The following PHKA1 variants were observed in gnomAD, a reference collection of about 807,000 sequenced individuals.
The protein encoded by PHKA1 is phosphorylase b kinase regulatory subunit alpha, skeletal muscle isoform.
Under a neutral mutation model 110.2 loss-of-function variants are expected in PHKA1, and 60 were observed. The observed-to-expected ratio is 0.54, with a 90% CI of 0.44 to 0.68. The LOEUF (loss-of-function observed/expected upper bound fraction) is 0.68. PHKA1 is among the 30% of genes least tolerant of loss of function. The pLI is 0.00. For synonymous variants in PHKA1, 316 were observed against 333.6 expected (o/e 0.95, Z 0.58); for missense variants, 801 against 942.5 (o/e 0.85, Z 1.97).
At chrX:72,582,155 G>C (rs782599909) in intron 31 of PHKA1, among the ~76,000 whole-genome samples, 28 of 111,315 alleles carry the variant, frequency 2.5e-4, no homozygotes, top group Non-Finnish European at 3.0e-4. Context: ...AAAGCATAAA[G>C]CCTCCTGAGT....
At chrX:72,605,425 A>C in intron 24 of PHKA1, 25 bp from the exon 25 acceptor site, 1 of 1,203,534 alleles carries the variant, frequency 8.3e-7, no homozygotes, top group South Asian at 1.8e-5. Context: ...GATATAGACA[A>C]AAATAATGGC....
At chrX:72,684,744 C>T (rs1407965287) in intron 4 of PHKA1, among the ~76,000 whole-genome samples, 164 bp from the exon 5 acceptor site, 1 of 111,673 alleles carries the variant, frequency 9.0e-6, no homozygotes, top group African/African-American at 3.3e-5. Context: ...AGACCACAAA[C>T]AAGTCCTAGG....
intron 8 of PHKA1, among the ~76,000 whole-genome samples, chrX:72,661,544 C>T (rs1334866929): frequency 2.7e-5 from 3 of 110,094 alleles, no homozygotes; most frequent in Non-Finnish European, 3.8e-5. Flanking sequence ...CCTAGATGCA[C>T]GCTTCTAATT....
intron 18 of PHKA1, chrX:72,622,116 C>T (rs1382549172): frequency 1.3e-6 from 1 of 751,630 alleles, no homozygotes; most frequent in Non-Finnish European, 1.6e-6. Context: ...ATTTAATGTA[C>T]TTTTCCAACA....
At position 72,620,733 on chromosome X, in the gene PHKA1, T is replaced by A; in HGVS notation, c.2129A>T (p.His710Leu). The change falls in exon 19 of 32, where the codon CAT (histidine) becomes CTT (leucine). Residue 710 changes from histidine (H) to leucine (L), a missense_variant. Transcript: ENST00000373542. ...MSLVTKAKEL[H>L]VQNVHMYLPT... ...GTCACGGCATTACTCACTCTGTACA[T>A]GCAGTTCCTTGGCCTTGGTCACCAA... The A allele has an allele frequency of 8.3e-7, 1 of 1,207,796 alleles. No homozygotes were observed. Among genetic ancestry groups the A allele is most frequent in the Non-Finnish European group, 1.1e-6 (1 of 893,060 alleles).
At chrX:72,670,298 G>A (rs1435695384) in intron 6 of PHKA1, among the ~76,000 whole-genome samples, 1 of 111,400 alleles carries the variant, frequency 9.0e-6, no homozygotes, top group Non-Finnish European at 1.9e-5. Context: ...TGAGTAGGTT[G>A]CAAAAATTTT....
chrX:72,606,623 G>T (rs1161501347), intron 23 of PHKA1, among the ~76,000 whole-genome samples: 1 of 110,707 alleles, frequency 9.0e-6, no homozygotes, highest in African/African-American at 3.3e-5. Flanking sequence ...TGGGGTACAT[G>T]AGATTTTTGA....
intron 29 of PHKA1, among the ~76,000 whole-genome samples, chrX:72,591,440 T>C (rs782255415): frequency 2.7e-5 from 3 of 111,105 alleles, no homozygotes; most frequent in East Asian, 2.8e-4. Context: ...AGGGATAGCA[T>C]TGGGAGAAAT....
chrX:72,713,897 T>C lies in PHKA1; in HGVS notation c.-17A>G, dbSNP rs782815013. The C allele has an allele frequency of 3.4e-6, 4 of 1,170,851 alleles. No homozygotes were observed. The African/African-American group carries it at 5.3e-5, about 16-fold the overall frequency. The stretch of plus-strand genomic sequence containing the variant: ...GCTCCTCATGGCGACACGTTACTAA[T>C]TGTCCTCTGAGAAATAGCCCGGGTG... On this transcript the variant is annotated 5_prime_UTR_variant, in exon 1 of 32. Transcript: ENST00000373542.
chrX:72,622,992 T>C, intron 18 of PHKA1, 117 bp downstream of exon 18: 1 of 1,160,232 alleles, frequency 8.6e-7, no homozygotes, highest in Non-Finnish European at 1.1e-6. Flanking sequence ...AAAGTAGAGA[T>C]CTAGAGTGAG....
chrX:72,593,809 A>T (rs782296490), intron 28 of PHKA1, among the ~76,000 whole-genome samples: 2 of 112,739 alleles, frequency 1.8e-5, no homozygotes, highest in South Asian at 3.7e-4. Context: ...CTGGTGATAC[A>T]TGAGAAAAGT....
intron 6 of PHKA1, among the ~76,000 whole-genome samples, chrX:72,670,385 TC>T (rs1218093059): frequency 8.9e-6 from 1 of 111,794 alleles, no homozygotes; most frequent in African/African-American, 3.3e-5. Context: ...TTTAATTAGA[TC>T]CCATTTGTCA....
intron 3 of PHKA1, among the ~76,000 whole-genome samples, chrX:72,697,973 G>C (rs1408410233): frequency 9.5e-6 from 1 of 105,313 alleles, no homozygotes; most frequent in Non-Finnish European, 1.9e-5. Context: ...GACAGAGCGA[G>C]ACTCTGTCTC....
intron 6 of PHKA1, among the ~76,000 whole-genome samples, chrX:72,673,875 T>C (rs1211337285): frequency 1.4e-4 from 15 of 109,467 alleles, no homozygotes; most frequent in Non-Finnish European, 9.5e-5. Context: ...TACATATGTA[T>C]ACATGTGCCA....
rs782750560 is a variant in PHKA1 at position 72,642,016 on chromosome X, G to A, written c.1459+2346C>T. 2.7e-5 allele frequency among the ~76,000 whole-genome samples: 3 copies of A among 112,026 alleles called. No individual in the cohort carries two copies. The South Asian group carries it at 1.1e-3, about 42-fold the overall frequency. On this transcript the variant is annotated intron_variant, in intron 14 of 31. Transcript: ENST00000373542. ...GCCCAGTGCCTGGTACATAATAAGT[G>A]AGCAATAAATGCTTATCAATGAATG... is the stretch of plus-strand genomic sequence containing the variant.
intron 28 of PHKA1, among the ~76,000 whole-genome samples, chrX:72,601,301 T>A: frequency 8.9e-6 from 1 of 111,843 alleles, no homozygotes. Context: ...TTCAGGACCA[T>A]TGTTAATAGG....
At chrX:72,713,084 A>G in intron 1 of PHKA1, 147 bp from the exon 2 acceptor site, 1 of 564,595 alleles carries the variant, frequency 1.8e-6, no homozygotes, top group Non-Finnish European at 3.0e-6. Flanking sequence ...CTTCTGACCT[A>G]TTGCAGGCAA....
At chrX:72,593,038 T>C in intron 29 of PHKA1, 66 bp downstream of exon 29, 1 of 687,000 alleles carries the variant, frequency 1.5e-6, no homozygotes, top group Non-Finnish European at 2.4e-6. Flanking sequence ...TCATGTCATA[T>C]CTCTGCCAAG....
In PHKA1 at chrX:72,696,409, G is replaced by T. The variant is rs150841841; in HGVS notation, c.286-533C>A. Among the ~76,000 whole-genome samples, 753 of 111,716 alleles carry T rather than the reference G, an allele frequency of 6.7e-3. 7 individuals carry two copies. Among genetic ancestry groups the T allele is most frequent in the African/African-American group, 0.022 (685 of 30,743 alleles). The stretch of plus-strand genomic sequence containing the variant: ...AATATCTTGGGCCCCTTCAAGCTAA[G>T]AATTGCTCAGGGAAAATCTGCCTCC... On this transcript the variant is annotated intron_variant, in intron 3 of 31. Coordinates refer to ENST00000373542, the MANE Select transcript of PHKA1 (RefSeq NM_002637.4).
Sources: gnomAD v4.1 joint callset for allele counts (sites outside exome capture counted in the v4.1 genomes callset) on GRCh38, gnomAD v4.1.1 for gene constraint, MANE v1.5 for transcripts, NCBI Gene and HGNC (gene_info 2026-07-23, HGNC 2026-07-21) for gene names.